The following ZBTB20 variants were observed in gnomAD, a reference collection of about 807,000 sequenced individuals.
ZBTB20 encodes the protein zinc finger and BTB domain containing 20.
A neutral mutation model predicts 56.9 loss-of-function variants in ZBTB20; 9 were observed. That is an observed-to-expected ratio of 0.16 (90% CI 0.10 to 0.28). The LOEUF is 0.28. Among genes scored for constraint, ZBTB20 ranks in the 10% least tolerant of loss-of-function variants. The pLI is 1.00. For missense variants in ZBTB20, 655 were observed against 1,003.0 expected (o/e 0.65, Z 4.69); for synonymous variants, 417 against 420.7 (o/e 0.99, Z 0.11).
chr3:114,680,827 C>T (rs2061927960), intron 6 of ZBTB20, among the ~76,000 whole-genome samples: 1 of 152,148 alleles, frequency 6.6e-6, no homozygotes, highest in Non-Finnish European at 1.5e-5. Flanking sequence ...TGATAAACTT[C>T]AGAAAGCCAA....
Position 114,380,242 on chromosome 3 carries a change from A to C in ZBTB20, c.174T>G (p.Ser58=). 2 of 1,536,944 alleles carry C rather than the reference A, an allele frequency of 1.3e-6. No homozygotes were observed. The highest frequency in any genetic ancestry group is 1.7e-6 in the Non-Finnish European group (2 of 1,146,752). The change falls in exon 10 of 12, where the codon TCT becomes TCG. Residue 58 remains serine (S), a synonymous_variant. Transcript: ENST00000675478. ...AATCAGATGACCCGGTGTGAGCGTG[A>C]GAGTTTGTCAGTGAATGTGTTGAGT... ...LIHSTHSLTN[S]HAHTGSSDCD... is the part of the protein sequence containing the mutation.
chr3:114,994,762 T>C (rs2108175080), intron 2 of ZBTB20, among the ~76,000 whole-genome samples: 1 of 152,036 alleles, frequency 6.6e-6, no homozygotes, highest in Non-Finnish European at 1.5e-5. Context: ...GTACCTGCTT[T>C]CTATGACAGC....
chr3:115,034,637 C>G (rs2108361149), intron 2 of ZBTB20, among the ~76,000 whole-genome samples: 1 of 151,934 alleles, frequency 6.6e-6, no homozygotes, highest in South Asian at 2.1e-4. Context: ...TTAACATTGT[C>G]AAGATATCAG....
At chr3:115,073,257 A>G (rs768388468) in intron 1 of ZBTB20, among the ~76,000 whole-genome samples, 15 of 152,190 alleles carry the variant, frequency 9.9e-5, no homozygotes, top group African/African-American at 1.4e-4. Flanking sequence ...ATTGGGAGAA[A>G]TATTTCTTTT....
chr3:114,777,031 A>G (rs1159084289), intron 5 of ZBTB20, among the ~76,000 whole-genome samples: 1 of 152,170 alleles, frequency 6.6e-6, no homozygotes, highest in African/African-American at 2.4e-5. Flanking sequence ...TATCAGTATC[A>G]TTAACTTTAG....
At chr3:115,035,079 T>C (rs2080858737) in intron 2 of ZBTB20, among the ~76,000 whole-genome samples, 1 of 152,034 alleles carries the variant, frequency 6.6e-6, no homozygotes, top group Admixed American at 6.5e-5. Flanking sequence ...AGATTCTAAA[T>C]ATAAGCTTTA....
At chr3:114,747,929 A>AAAAACAAAC (rs2067174272) in intron 5 of ZBTB20, among the ~76,000 whole-genome samples, 1 of 2,090 alleles carries the variant, frequency 4.8e-4, no homozygotes, top group African/African-American at 4.9e-4. Context: ...AAAAAAAAAA[A>AAAAACAAAC]AAAAAAAAAA....
intron 4 of ZBTB20, among the ~76,000 whole-genome samples, chr3:114,801,779 A>T (rs1406986169): frequency 6.6e-6 from 1 of 151,474 alleles, no homozygotes; most frequent in Non-Finnish European, 1.5e-5. Context: ...ATTTCACATC[A>T]TATTGTACAT....
chr3:115,024,007 T>C (rs1334880215), intron 2 of ZBTB20, among the ~76,000 whole-genome samples: 3 of 151,134 alleles, frequency 2.0e-5, no homozygotes, highest in Non-Finnish European at 3.0e-5. Context: ...TTATATTTGA[T>C]ATCTATATCT....
At chr3:114,839,072 C>T (rs557323734) in intron 4 of ZBTB20, among the ~76,000 whole-genome samples, 19 of 152,160 alleles carry the variant, frequency 1.2e-4, no homozygotes, top group African/African-American at 4.6e-4. Context: ...ATTTTCCTCC[C>T]TGTATATACA....
chr3:115,060,329 A>G (rs2081970571), intron 2 of ZBTB20, among the ~76,000 whole-genome samples: 1 of 152,180 alleles, frequency 6.6e-6, no homozygotes, highest in African/African-American at 2.4e-5. Context: ...AAGAAACAAT[A>G]TACAGTCAAT....
chr3:115,141,435 C>T (rs1041569617), intron 1 of ZBTB20, among the ~76,000 whole-genome samples: 2 of 152,250 alleles, frequency 1.3e-5, no homozygotes, highest in Middle Eastern at 3.4e-3. Context: ...AAAACAAGTA[C>T]ACTTGAAACC....
At chr3:114,501,317 T>C (rs751875852) in intron 6 of ZBTB20, among the ~76,000 whole-genome samples, 101 of 152,322 alleles carry the variant, frequency 6.6e-4, no homozygotes, top group Non-Finnish European at 1.2e-3. Flanking sequence ...TAAAATCTGA[T>C]ATTTCACTCT....
intron 2 of ZBTB20, among the ~76,000 whole-genome samples, chr3:114,984,400 T>C (rs1189078710): frequency 6.6e-6 from 1 of 152,008 alleles, no homozygotes; most frequent in East Asian, 1.9e-4. Flanking sequence ...TCTCAAATCC[T>C]CCCTCCAACA....
chr3:114,632,271 T>G (rs1290936231), intron 6 of ZBTB20, among the ~76,000 whole-genome samples: 1 of 152,186 alleles, frequency 6.6e-6, no homozygotes, highest in Non-Finnish European at 1.5e-5. Flanking sequence ...ATCCTTATGA[T>G]TTCCTTTTGT....
intron 5 of ZBTB20, among the ~76,000 whole-genome samples, chr3:114,750,625 G>T (rs1208654434): frequency 6.6e-6 from 1 of 152,066 alleles, no homozygotes; most frequent in African/African-American, 2.4e-5. Flanking sequence ...AGGCAGCTTG[G>T]TACTCAACTG....
chr3:114,664,116 A>G (rs2060908133), intron 6 of ZBTB20, among the ~76,000 whole-genome samples: 1 of 152,058 alleles, frequency 6.6e-6, no homozygotes, highest in African/African-American at 2.4e-5. Flanking sequence ...AGACTCATGA[A>G]CTTGTATCTA....
chr3:114,522,432 A>G (rs966951371), intron 6 of ZBTB20, among the ~76,000 whole-genome samples: 23 of 152,268 alleles, frequency 1.5e-4, no homozygotes, highest in Non-Finnish European at 1.5e-4. Context: ...ACTACTGCAA[A>G]GGCTTTTCTT....
At chr3:114,582,655 T>C (rs1448259491) in intron 6 of ZBTB20, among the ~76,000 whole-genome samples, 2 of 152,182 alleles carry the variant, frequency 1.3e-5, no homozygotes, top group Non-Finnish European at 2.9e-5. Flanking sequence ...GCCGGGATTA[T>C]AGGCGTGAGC....
Sources: allele counts gnomAD v4.1 joint callset (sites outside exome capture counted in the v4.1 genomes callset), GRCh38; gene constraint gnomAD v4.1.1; transcripts MANE v1.5; gene names NCBI Gene and HGNC (gene_info 2026-07-23, HGNC 2026-07-21).